ATP10A: variants seen among roughly 807,000 people sequenced by gnomAD.
ATP10A encodes the protein phospholipid-transporting ATPase VA.
In ATP10A, 111 loss-of-function variants were observed where a neutral mutation model predicts 147.8. The ratio of observed to expected loss-of-function variants is 0.75; its 90% CI spans 0.64 to 0.88. The LOEUF (loss-of-function observed/expected upper bound fraction) is 0.88. ATP10A is among the 40% of genes least tolerant of loss of function. The pLI is 0.00. For synonymous variants in ATP10A, 875 were observed against 841.6 expected (o/e 1.04, Z -0.69); for missense variants, 1,927 against 1,959.0 (o/e 0.98, Z 0.31).
At chr15:25,855,032 C>G (rs1893448095) in intron 1 of ATP10A, among the ~76,000 whole-genome samples, 1 of 144,694 alleles carries the variant, frequency 6.9e-6, no homozygotes, top group African/African-American at 2.7e-5. Flanking sequence ...GCACTCCAGC[C>G]TGGGCAACAA....
intron 1 of ATP10A, among the ~76,000 whole-genome samples, chr15:25,840,459 T>C (rs1487792727): frequency 6.6e-6 from 1 of 152,186 alleles, no homozygotes; most frequent in Non-Finnish European, 1.5e-5. Flanking sequence ...CTGAGGCCCA[T>C]GCAAGTTGCT....
rs150124257 is a variant in ATP10A, at chr15:25,701,976, T to G, written c.2700A>C (p.Ala900=). The G allele has an allele frequency of 2.8e-5, 45 of 1,613,980 alleles. No individual in the cohort carries two copies. The highest frequency in any genetic ancestry group is 3.6e-5 in the Non-Finnish European group (42 of 1,179,990). Residue 900 remains alanine (A), a synonymous_variant, in exon 13 of 21, where the codon GCA becomes GCC. Coordinates refer to ENST00000555815, the MANE Select transcript of ATP10A (RefSeq NM_024490.4). The part of the protein sequence containing the change: ...GDKQETAVNI[A]YACKLLDHDE... ...CGTGGTCCAGCAGTTTGCAGGCATA[T>G]GCAATGTTGACAGCTGTTTCTTGTT...
At chr15:25,747,287 CA>C (rs34660034) in intron 2 of ATP10A, among the ~76,000 whole-genome samples, 6,062 of 112,924 alleles carry the variant, frequency 0.054, 269 homozygotes, top group African/African-American at 0.16. Flanking sequence ...AACTCCATCT[CA>C]AAAAAAAAAA....
chr15:25,811,170 G>A (rs987436378), intron 1 of ATP10A, among the ~76,000 whole-genome samples: 2 of 152,218 alleles, frequency 1.3e-5, no homozygotes, highest in South Asian at 2.1e-4. Context: ...AACAGGGAGG[G>A]AGAAGTCAGT....
At position 25,680,276 on chromosome 15, in the gene ATP10A, A is replaced by T. The variant is rs779353775; in HGVS notation, c.3711T>A (p.Ser1237Arg). Residue 1237 changes from serine to arginine, a missense_variant, in exon 20 of 21, where the codon AGT becomes AGA. Coordinates refer to ENST00000555815, the MANE Select transcript of ATP10A (RefSeq NM_024490.4). ...AAGCCACGGTGAAAAACAAAAGGACACTGAAGCCACACGTTATCCAGTTGA... is the reference window on the plus strand; with the variant it reads ...AAGCCACGGTGAAAAACAAAAGGACTCTGAAGCCACACGTTATCCAGTTGA... ...TWLNWITCGF[S>R]VLLFFTVALI... The T allele has an allele frequency of 6.2e-7, 1 of 1,614,208 alleles. No homozygotes were observed. Among genetic ancestry groups the T allele is most frequent in the Non-Finnish European group, 8.5e-7 (1 of 1,180,028 alleles).
intron 1 of ATP10A, among the ~76,000 whole-genome samples, chr15:25,807,857 C>T (rs930895077): frequency 1.5e-4 from 23 of 151,686 alleles, no homozygotes; most frequent in African/African-American, 4.8e-4. Context: ...TGGTGACAAC[C>T]GGGGCTCTGA....
At chr15:25,814,362 T>A (rs1891558976) in intron 1 of ATP10A, among the ~76,000 whole-genome samples, 2 of 152,222 alleles carry the variant, frequency 1.3e-5, no homozygotes, top group Admixed American at 6.5e-5. Flanking sequence ...GGCAGACCTG[T>A]ACCATGGCAA....
intron 2 of ATP10A, among the ~76,000 whole-genome samples, chr15:25,749,416 A>C (rs1037974927): frequency 5.3e-5 from 8 of 152,190 alleles, no homozygotes; most frequent in East Asian, 1.9e-4. Flanking sequence ...ACACTGGAAA[A>C]ACTAATCATT....
At chr15:25,775,879 C>T (rs570928253) in intron 2 of ATP10A, among the ~76,000 whole-genome samples, 3 of 152,378 alleles carry the variant, frequency 2.0e-5, no homozygotes, top group South Asian at 2.1e-4. Context: ...CCCCGCCTCA[C>T]CCCGGCTGAA....
chr15:25,843,459 G>T (rs1214310393), intron 1 of ATP10A, among the ~76,000 whole-genome samples: 1 of 152,062 alleles, frequency 6.6e-6, no homozygotes, highest in Non-Finnish European at 1.5e-5. Context: ...TGTATAGACA[G>T]GATGATAGAT....
At chr15:25,677,725 TG>T (rs535542800), downstream of ATP10A, 4 of 152,386 alleles carry the variant, frequency 2.6e-5, no homozygotes, top group East Asian at 7.7e-4. Context: ...ACCACCCCTT[TG>T]TCTCCCCATT....
Position 25,863,015 on chromosome 15 carries a change from G to T in ATP10A, c.82C>A (p.Arg28Ser). The change falls in exon 1 of 21, where the codon CGC (arginine) becomes AGC (serine). Residue 28 changes from arginine to serine, a missense_variant. Coordinates refer to ENST00000555815, the MANE Select transcript of ATP10A (RefSeq NM_024490.4). Reference sequence around the variant, plus strand: ...CCCGGGGGCGGCAGCAGGTTGGAGCGCACCGTGCGCGTCCTGCCCTCTCGG... The same window carrying T: ...CCCGGGGGCGGCAGCAGGTTGGAGCTCACCGTGCGCGTCCTGCCCTCTCGG... The part of the protein sequence containing the change: ...RRREGRTRTV[R>S]SNLLPPPGAE... The T allele has an allele frequency of 2.2e-6, 3 of 1,363,234 alleles. No individual in the cohort carries two copies. The allele number at this position is 1,363,234 out of a possible 1,614,324, so 84.4% of individuals were successfully genotyped here. A position where few individuals can be genotyped will look rare whatever the true frequency, so the allele number is the denominator to read the frequency against.
At chr15:25,766,372 C>T (rs1045461841) in intron 2 of ATP10A, among the ~76,000 whole-genome samples, 1 of 152,050 alleles carries the variant, frequency 6.6e-6, no homozygotes, top group Admixed American at 6.6e-5. Context: ...GGAGGCAGAC[C>T]CCAAAGCTCA....
At chr15:25,682,999 A>T (rs929863958) in intron 17 of ATP10A, among the ~76,000 whole-genome samples, 1 of 152,092 alleles carries the variant, frequency 6.6e-6, no homozygotes, top group East Asian at 1.9e-4. Context: ...TGCTTTAGAA[A>T]AATCCCCCCT....
chr15:25,676,763 T>C (rs927845159), downstream of ATP10A, among the ~76,000 whole-genome samples: 1 of 152,304 alleles, frequency 6.6e-6, no homozygotes, highest in East Asian at 1.9e-4. Flanking sequence ...ATTGTTTATA[T>C]ATTAAATCCT....
chr15:25,680,632 C>T (rs187042354), intron 19 of ATP10A, among the ~76,000 whole-genome samples, 178 bp downstream of exon 19: 3 of 152,102 alleles, frequency 2.0e-5, no homozygotes, highest in Non-Finnish European at 2.9e-5. Context: ...CAGGCTGCAG[C>T]GGCTCCCCAC....
chr15:25,689,551 C>A (rs1045289151), intron 15 of ATP10A, among the ~76,000 whole-genome samples: 9 of 152,214 alleles, frequency 5.9e-5, no homozygotes, highest in African/African-American at 2.2e-4. Context: ...AAGGGCTCAG[C>A]AGGGACTGAC....
intron 1 of ATP10A, among the ~76,000 whole-genome samples, chr15:25,822,153 C>G (rs980518616): frequency 6.6e-6 from 1 of 151,932 alleles, no homozygotes; most frequent in African/African-American, 2.4e-5. Flanking sequence ...TAGAGAATGA[C>G]GACAAGAAAA....
intron 1 of ATP10A, among the ~76,000 whole-genome samples, chr15:25,833,402 C>G (rs986851031): frequency 3.9e-5 from 6 of 152,134 alleles, no homozygotes; most frequent in Non-Finnish European, 2.9e-5. Context: ...CCAGAGAAGT[C>G]CAGCCCCGCA....
Sources: allele counts gnomAD v4.1 joint callset (sites outside exome capture counted in the v4.1 genomes callset), GRCh38; gene constraint gnomAD v4.1.1; transcripts MANE v1.5; gene names NCBI Gene and HGNC (gene_info 2026-07-23, HGNC 2026-07-21).